ITM2B: variants seen among roughly 807,000 people sequenced by gnomAD.
ITM2B encodes the protein ABri/ADan amyloid peptide.
In ITM2B, 11 loss-of-function variants were observed where a neutral mutation model predicts 27.8. The ratio of observed to expected loss-of-function variants is 0.40; its 90% confidence interval spans 0.25 to 0.66. The LOEUF is 0.66. Ranked by LOEUF, ITM2B falls within the 30% of genes least tolerant of loss-of-function variation. ITM2B has a pLI of 0.43. For missense variants in ITM2B, 296 were observed against 328.9 expected (o/e 0.90, Z 0.77); for synonymous variants, 114 against 114.3 (o/e 1.00, Z 0.02).
intron 1 of ITM2B, among the ~76,000 whole-genome samples, chr13:48,245,776 G>A (rs1462369027): frequency 6.8e-6 from 1 of 147,082 alleles, no homozygotes; most frequent in Non-Finnish European, 1.5e-5. Flanking sequence ...TGTAGTTTAA[G>A]TTCTTTTTTT....
chr13:48,256,148 G>T (rs373084833), intron 2 of ITM2B, 29 bp from the exon 3 acceptor site: 3 of 1,515,032 alleles, frequency 2.0e-6, no homozygotes, highest in African/African-American at 2.7e-5. Flanking sequence ...ATGCTGAATT[G>T]CTGAAATGAG....
Position 48,233,330 on chromosome 13 carries a change from GC to G in ITM2B, c.-29del. The G allele has an allele frequency of 7.0e-7, 1 of 1,438,332 alleles. No homozygotes were observed. The highest frequency in any genetic ancestry group is 1.5e-5 in the African/African-American group (1 of 67,786). 89.1% of individuals were successfully genotyped at this position (1,438,332 alleles called of 1,614,324 possible). ...CCGCAGCCCGCGCCCCGAGCCCGCC[GC>G]CGCCCTTCGAGGGCGCCCCAGGCCG... On this transcript the variant is annotated 5_prime_UTR_variant, in exon 1 of 6. Transcript: ENST00000647800.
chr13:48,235,059 A>G (rs1951659821), intron 1 of ITM2B, among the ~76,000 whole-genome samples: 1 of 152,238 alleles, frequency 6.6e-6, no homozygotes, highest in African/African-American at 2.4e-5. Flanking sequence ...ATTAACAAAT[A>G]TAACTGCTCC....
chr13:48,235,477 T>G (rs1169078485), intron 1 of ITM2B, among the ~76,000 whole-genome samples: 1 of 152,238 alleles, frequency 6.6e-6, no homozygotes, highest in African/African-American at 2.4e-5. Context: ...TTTTTCCAGC[T>G]ATAAGCTGAA....
chr13:48,261,004 C>A, intron 5 of ITM2B, 135 bp from the exon 6 acceptor site: 2 of 658,316 alleles, frequency 3.0e-6, no homozygotes, highest in Admixed American at 2.7e-5. Context: ...TCAGTGTAAA[C>A]ATTCAAACTG....
At chr13:48,242,038 A>G (rs767605943) in intron 1 of ITM2B, among the ~76,000 whole-genome samples, 14 of 152,170 alleles carry the variant, frequency 9.2e-5, no homozygotes, top group South Asian at 2.1e-4. Flanking sequence ...TTTAGATAAT[A>G]CCTATTGATA....
At chr13:48,251,363 C>T (rs1407778090) in intron 1 of ITM2B, among the ~76,000 whole-genome samples, 1 of 152,196 alleles carries the variant, frequency 6.6e-6, no homozygotes, top group Non-Finnish European at 1.5e-5. Flanking sequence ...CTCATCCCCT[C>T]TTATGTGCTC....
chr13:48,246,793 A>T (rs1376744163), intron 1 of ITM2B, among the ~76,000 whole-genome samples: 1 of 152,144 alleles, frequency 6.6e-6, no homozygotes, highest in African/African-American at 2.4e-5. Flanking sequence ...ATAAGAGAGA[A>T]GTTGAAAATA....
In ITM2B at chr13:48,268,306, AT is replaced by A. The variant is rs200114901; in HGVS notation, c.*7095del. ...TGTGTGCTTTTTAAATTTATTTTTT[AT>A]TTTTTTTTTTTTGAGACAGAGTCTG... On this transcript the variant is annotated 3_prime_UTR_variant, in exon 6 of 6. Coordinates refer to ENST00000647800, the MANE Select transcript of ITM2B (RefSeq NM_021999.5). 2.1e-3 allele frequency: 288 copies of A among 139,964 alleles called. 2 individuals are homozygous for A. In the East Asian group the frequency reaches 0.028, roughly 14 times the overall value. 8.7% of individuals were successfully genotyped at this position (139,964 alleles called of 1,614,324 possible). A position where few individuals can be genotyped will look rare whatever the true frequency, so the allele number is the denominator to read the frequency against.
rs9332295 is a variant in ITM2B at position 48,259,114 on chromosome 13, G to A, written c.715+167G>A. Among the ~76,000 whole-genome samples, 1,309 of 152,278 alleles carry A rather than the reference G, an allele frequency of 8.6e-3. 8 individuals are homozygous for A. Among genetic ancestry groups the A allele is most frequent in the Non-Finnish European group, 0.013 (894 of 68,018 alleles). ...TATAGAATTATCTTAATTCCATTTA[G>A]TAAGTCCACTCTTTTCAGGTGGAGA... On this transcript the variant is annotated intron_variant, in intron 5 of 5. Transcript: ENST00000647800.
rs117961387 is a variant in ITM2B, at chr13:48,270,281, A to G, written c.*9057A>G. ...TACCTTATTTTTCTCTATAGTACTT[A>G]TCACCATCTGACATGTATTTATGTT... On this transcript the variant is annotated 3_prime_UTR_variant, in exon 6 of 6. Coordinates refer to ENST00000647800, the MANE Select transcript of ITM2B (RefSeq NM_021999.5). 1.4e-4 allele frequency: 21 copies of G among 152,292 alleles called. No individual in the cohort carries two copies. Among genetic ancestry groups the G allele is most frequent in the East Asian group, 1.2e-3 (6 of 5,182 alleles). The allele number at this position is 152,292 out of a possible 1,614,324, so 9.4% of individuals were successfully genotyped here.
chr13:48,240,482 A>C (rs1182997698), intron 1 of ITM2B, among the ~76,000 whole-genome samples: 2 of 152,036 alleles, frequency 1.3e-5, no homozygotes, highest in Non-Finnish European at 1.5e-5. Flanking sequence ...TTCTCTCCTC[A>C]TCATTCTTGT....
intron 1 of ITM2B, among the ~76,000 whole-genome samples, chr13:48,253,591 A>T (rs867424599): frequency 6.6e-6 from 1 of 151,938 alleles, no homozygotes; most frequent in South Asian, 2.1e-4. Context: ...GAAGTAGACA[A>T]CTCTCCTAGA....
chr13:48,256,054 T>C (rs111677802), intron 2 of ITM2B, 123 bp from the exon 3 acceptor site: 1 of 728,082 alleles, frequency 1.4e-6, no homozygotes. Context: ...GTCTGACTTG[T>C]CATCTAAAAG....
intron 1 of ITM2B, among the ~76,000 whole-genome samples, chr13:48,251,660 A>G (rs1951756935): frequency 6.6e-6 from 1 of 152,142 alleles, no homozygotes; most frequent in Non-Finnish European, 1.5e-5. Flanking sequence ...TCATTTATGT[A>G]CTATTGGAAG....
intron 1 of ITM2B, among the ~76,000 whole-genome samples, chr13:48,237,057 A>C (rs569098226): frequency 6.6e-6 from 1 of 152,286 alleles, no homozygotes; most frequent in African/African-American, 2.4e-5. Flanking sequence ...GGTTTTCCCT[A>C]TTCACACAAT....
chr13:48,259,618 C>G (rs1951810412), intron 5 of ITM2B, among the ~76,000 whole-genome samples: 1 of 151,848 alleles, frequency 6.6e-6, no homozygotes, highest in African/African-American at 2.4e-5. Flanking sequence ...AAAGTGCTTT[C>G]CTGGCTTTTT....
At chr13:48,234,229 T>G (rs1951653919) in intron 1 of ITM2B, among the ~76,000 whole-genome samples, 1 of 152,194 alleles carries the variant, frequency 6.6e-6, no homozygotes, top group South Asian at 2.1e-4. Context: ...CCCGGGTCCC[T>G]AATAAAATTC....
chr13:48,255,032 C>T (rs1365171794), intron 2 of ITM2B: 2 of 152,036 alleles, frequency 1.3e-5, no homozygotes, highest in African/African-American at 2.4e-5. Context: ...CCTGCCACCA[C>T]TCCTGGCTAA....
Sources: allele counts gnomAD v4.1 joint callset (sites outside exome capture counted in the v4.1 genomes callset), GRCh38; gene constraint gnomAD v4.1.1; transcripts MANE v1.5; gene names NCBI Gene and HGNC (gene_info 2026-07-23, HGNC 2026-07-21).